The following ELF1 variants were observed in gnomAD, a reference collection of about 807,000 sequenced individuals.
ELF1 encodes the protein E74 like ETS transcription factor 1, also known as ETS-related transcription factor Elf-1.
ELF1 carries 24 observed loss-of-function variants against 59.9 expected under a neutral mutation model. That is an observed-to-expected ratio of 0.40 (90% CI 0.29 to 0.56). ELF1 has a LOEUF of 0.56. ELF1 is among the 20% of genes least tolerant of loss of function. ELF1 has a pLI of 0.44. For synonymous variants in ELF1, 248 were observed against 266.2 expected, an observed-to-expected ratio of 0.93 and a Z score of 0.67; for missense variants, 627 against 742.2, an observed-to-expected ratio of 0.84 and a Z score of 1.80.
At chr13:41,027,953 T>A (rs891574494) in intron 1 of ELF1, among the ~76,000 whole-genome samples, 1 of 152,152 alleles carries the variant, frequency 6.6e-6, no homozygotes, top group Non-Finnish European at 1.5e-5. Flanking sequence ...ACATTCTGAG[T>A]TAGCATCCAC....
chr13:41,034,790 T>TA (rs368956919), intron 1 of ELF1, among the ~76,000 whole-genome samples: 31,419 of 117,160 alleles, frequency 0.27, 3,855 homozygotes, highest in Non-Finnish European at 0.32. Flanking sequence ...ATATTCCTAT[T>TA]AAAAAAAAAA....
intron 1 of ELF1, among the ~76,000 whole-genome samples, chr13:41,043,336 T>C (rs915120554): frequency 1.3e-5 from 2 of 152,226 alleles, no homozygotes; most frequent in Non-Finnish European, 2.9e-5. Flanking sequence ...ATTTTGGCTT[T>C]TGTTGCCATT....
At chr13:40,956,836 T>C (rs1176411570) in intron 3 of ELF1, among the ~76,000 whole-genome samples, 1 of 151,158 alleles carries the variant, frequency 6.6e-6, no homozygotes, top group Non-Finnish European at 1.5e-5. Context: ...AAACTACACG[T>C]GTATGCCACC....
upstream of ELF1, among the ~76,000 whole-genome samples, chr13:41,022,758 A>C (rs951651215): frequency 8.5e-5 from 13 of 152,120 alleles, no homozygotes; most frequent in African/African-American, 3.1e-4. Flanking sequence ...AGACACCTGT[A>C]ATCTCAGCTA....
chr13:40,949,697 T>C lies in ELF1; in HGVS notation c.529+109A>G. On this transcript the variant is annotated intron_variant, in intron 5 of 8. Transcript: ENST00000239882. ...TTCCATTTTGTGCCTTCAATGTTTT[T>C]CTTACATAAGTTTTAACTGCAGCAG... The C allele has an allele frequency of 7.5e-6, 10 of 1,338,618 alleles. No homozygotes were observed. The South Asian group carries it at 1.3e-4, about 18-fold the overall frequency. 82.9% of individuals were successfully genotyped at this position (1,338,618 alleles called of 1,614,324 possible). A position where few individuals can be genotyped will look rare whatever the true frequency, so the allele number is the denominator to read the frequency against.
chr13:41,048,135 A>G (rs1876936101), intron 1 of ELF1, among the ~76,000 whole-genome samples: 1 of 152,186 alleles, frequency 6.6e-6, no homozygotes, highest in Non-Finnish European at 1.5e-5. Flanking sequence ...AAAGCACAGT[A>G]TTAGGGTGGG....
chr13:41,013,944 T>C (rs1308121177), intron 1 of ELF1, among the ~76,000 whole-genome samples: 2 of 151,964 alleles, frequency 1.3e-5, no homozygotes, highest in Non-Finnish European at 1.5e-5. Context: ...TTTCTTTAAT[T>C]ATATTTATAT....
At chr13:40,963,007 C>T (rs1338640028) in intron 2 of ELF1, among the ~76,000 whole-genome samples, 4 of 152,198 alleles carry the variant, frequency 2.6e-5, no homozygotes, top group Non-Finnish European at 5.9e-5. Flanking sequence ...TAGCTGCTGC[C>T]ATTGCTATTA....
At chr13:40,976,998 CT>C (rs148533167) in intron 2 of ELF1, among the ~76,000 whole-genome samples, 1,835 of 152,126 alleles carry the variant, frequency 0.012, 24 homozygotes, top group East Asian at 0.05. Flanking sequence ...CCAAACTTCT[CT>C]CTAGTGACTT....
chr13:40,973,104 T>TA (rs1266788354), intron 2 of ELF1, among the ~76,000 whole-genome samples: 1 of 152,156 alleles, frequency 6.6e-6, no homozygotes, highest in Non-Finnish European at 1.5e-5. Context: ...AGAAATCATG[T>TA]AAAACCATAA....
intron 1 of ELF1, among the ~76,000 whole-genome samples, chr13:41,031,150 C>G (rs1876144264): frequency 6.9e-6 from 1 of 144,880 alleles, no homozygotes; most frequent in Non-Finnish European, 1.5e-5. Context: ...AAGAGTGAGA[C>G]CCTATTAAAA....
At chr13:41,028,809 C>G (rs1275541622) in intron 1 of ELF1, among the ~76,000 whole-genome samples, 1 of 152,204 alleles carries the variant, frequency 6.6e-6, no homozygotes, top group East Asian at 1.9e-4. Flanking sequence ...TCTTGGTTCA[C>G]TGCAACCTCT....
intron 2 of ELF1, among the ~76,000 whole-genome samples, chr13:40,960,917 C>G (rs1311318252): frequency 6.6e-6 from 1 of 152,182 alleles, no homozygotes; most frequent in Non-Finnish European, 1.5e-5. Context: ...GCCGCCCAAG[C>G]TAGAGTGCAG....
At chr13:40,942,903 T>C in intron 7 of ELF1, 49 bp downstream of exon 7, 14 of 1,429,256 alleles carry the variant, frequency 9.8e-6, no homozygotes, top group Admixed American at 2.3e-5. Context: ...TTTTTTACAA[T>C]TTAGAAAATG....
intron 2 of ELF1, among the ~76,000 whole-genome samples, chr13:40,962,301 AAC>A (rs1238063116): frequency 5.9e-5 from 9 of 152,244 alleles, no homozygotes; most frequent in Admixed American, 3.9e-4. Flanking sequence ...GAAAATTTCA[AAC>A]ACACAAACGT....
intron 1 of ELF1, among the ~76,000 whole-genome samples, chr13:41,053,970 G>A (rs1283418448): frequency 1.1e-4 from 16 of 151,996 alleles, no homozygotes; most frequent in Admixed American, 9.8e-4. Flanking sequence ...CTTTCACTTA[G>A]CCAAAAAAGG....
At chr13:40,952,060 T>C (rs1045115902) in intron 3 of ELF1, among the ~76,000 whole-genome samples, 2 of 152,238 alleles carry the variant, frequency 1.3e-5, no homozygotes, top group Admixed American at 1.3e-4. Context: ...CTTAACTTTC[T>C]TTACATTTCT....
chr13:40,975,195 A>C (rs1167054992), intron 2 of ELF1, among the ~76,000 whole-genome samples: 2 of 152,222 alleles, frequency 1.3e-5, no homozygotes, highest in Non-Finnish European at 2.9e-5. Context: ...GCGCTGAATA[A>C]GTTACACATT....
intron 1 of ELF1, among the ~76,000 whole-genome samples, chr13:41,017,220 C>T (rs1875458385): frequency 6.6e-6 from 1 of 151,700 alleles, no homozygotes; most frequent in Non-Finnish European, 1.5e-5. Context: ...AACTTATCAC[C>T]AAGATTATCA....
Sources: gnomAD v4.1 joint callset for allele counts (sites outside exome capture counted in the v4.1 genomes callset) on GRCh38, gnomAD v4.1.1 for gene constraint, MANE v1.5 for transcripts, NCBI Gene and HGNC (gene_info 2026-07-23, HGNC 2026-07-21) for gene names.